The following DGKZ variants were observed in gnomAD, a reference collection of about 807,000 sequenced individuals.
The protein encoded by DGKZ is DAG kinase zeta.
Under a neutral mutation model 142.5 loss-of-function variants are expected in DGKZ, and 45 were observed. The observed-to-expected ratio is 0.32, with a 90% CI of 0.25 to 0.40. The LOEUF (loss-of-function observed/expected upper bound fraction) is 0.40. Among genes scored for constraint, DGKZ ranks in the 10% least tolerant of loss-of-function variants. The pLI is 1.00. For synonymous variants in DGKZ, 442 were observed against 527.0 expected, an observed-to-expected ratio of 0.84 and a Z score of 2.21; for missense variants, 755 against 1,306.5, an observed-to-expected ratio of 0.58 and a Z score of 6.51.
intron 1 of DGKZ, among the ~76,000 whole-genome samples, chr11:46,355,900 C>T (rs1266633110): frequency 6.6e-6 from 1 of 152,198 alleles, no homozygotes; most frequent in Non-Finnish European, 1.5e-5. Flanking sequence ...GCATGGGCCA[C>T]CACACCCGGC....
chr11:46,379,708 C>G lies in DGKZ; in HGVS notation c.2689-123C>G, dbSNP rs1019385478. The G allele has an allele frequency of 2.1e-5, 27 of 1,272,544 alleles. No individual in the cohort carries two copies. In the South Asian group the frequency reaches 2.7e-4, roughly 13 times the overall value. 78.8% of individuals were successfully genotyped at this position (1,272,544 alleles called of 1,614,324 possible). ...GAAACCTGAGCCAGCAGGGGAGGAG[C>G]TGGTGGGCAGAGAGGCCTCCCTCCC... On this transcript the variant is annotated intron_variant, in intron 30 of 30. Transcript: ENST00000527911.
At chr11:46,358,500 G>A (rs1565024839) in intron 1 of DGKZ, among the ~76,000 whole-genome samples, 1 of 152,130 alleles carries the variant, frequency 6.6e-6, no homozygotes, top group Non-Finnish European at 1.5e-5. Flanking sequence ...TCTCAAAAGT[G>A]CATGACATGA....
At chr11:46,341,733 A>T (rs888699787) in intron 1 of DGKZ, among the ~76,000 whole-genome samples, 1 of 152,086 alleles carries the variant, frequency 6.6e-6, no homozygotes, top group African/African-American at 2.4e-5. Context: ...TTGGCCAAAT[A>T]CTCAGGGAAG....
At chr11:46,336,962 G>A (rs1368218900) in intron 1 of DGKZ, among the ~76,000 whole-genome samples, 5 of 152,134 alleles carry the variant, frequency 3.3e-5, no homozygotes, top group African/African-American at 9.7e-5. Context: ...TCGAGGCTGC[G>A]GTGAGCCACA....
At chr11:46,366,586 G>T (rs1171732235) in intron 1 of DGKZ, 1 of 1,607,594 alleles carries the variant, frequency 6.2e-7, no homozygotes. Flanking sequence ...CCCTGCTGTT[G>T]ACCGGGCTTG....
chr11:46,354,755 A>G (rs1162655046), intron 1 of DGKZ, among the ~76,000 whole-genome samples: 2 of 152,244 alleles, frequency 1.3e-5, no homozygotes, highest in Admixed American at 6.5e-5. Flanking sequence ...GCCTAGCAAC[A>G]TACAGTGCTG....
Position 46,371,782 on chromosome 11 carries a change from C to G in DGKZ, c.831+7C>G. 1.2e-6 allele frequency: 2 copies of G among 1,612,412 alleles called. No homozygotes were observed. The highest frequency in any genetic ancestry group is 1.7e-6 in the Non-Finnish European group (2 of 1,179,382). ...CAGCAAGAAAGGGCCTGAGGTCAGC[C>G]CCAGGCTGGGCAGAGGCTGCAGGGG... On this transcript the variant is annotated splice_region_variant and intron_variant, in intron 9 of 30. Transcript: ENST00000527911.
At chr11:46,378,530 C>T in intron 27 of DGKZ, 30 bp downstream of exon 27, 1 of 1,613,016 alleles carries the variant, frequency 6.2e-7, no homozygotes, top group Non-Finnish European at 8.5e-7. Context: ...GTTCCTTCCC[C>T]CAGCAGCTCC....
At chr11:46,366,590 G>T in intron 1 of DGKZ, 1 of 1,607,742 alleles carries the variant, frequency 6.2e-7, no homozygotes, top group South Asian at 1.1e-5. Flanking sequence ...GCTGTTGACC[G>T]GGCTTGTGGG....
chr11:46,352,691 G>C (rs552885651), intron 1 of DGKZ, among the ~76,000 whole-genome samples: 1 of 152,204 alleles, frequency 6.6e-6, no homozygotes, highest in Admixed American at 6.5e-5. Context: ...AGTCAGCTGC[G>C]GGGGCAGTGT....
At chr11:46,366,902 C>T (rs780649096) in intron 1 of DGKZ, 32 of 1,547,526 alleles carry the variant, frequency 2.1e-5, no homozygotes, top group Middle Eastern at 1.9e-4. Context: ...GCTGCCCACC[C>T]GTGTGCGCCC....
intron 1 of DGKZ, among the ~76,000 whole-genome samples, chr11:46,336,675 T>A (rs542533190): frequency 7.3e-4 from 111 of 152,258 alleles, no homozygotes; most frequent in Middle Eastern, 6.8e-3. Context: ...ACTCAGGTGA[T>A]CCTCCCACCT....
At chr11:46,366,949 G>T (rs1327242816) in intron 1 of DGKZ, 1 of 1,538,232 alleles carries the variant, frequency 6.5e-7, no homozygotes, top group East Asian at 2.4e-5. Context: ...TACGGCGCAA[G>T]GCGGCCGGAC....
At chr11:46,356,148 A>G (rs1162452826) in intron 1 of DGKZ, among the ~76,000 whole-genome samples, 2 of 152,186 alleles carry the variant, frequency 1.3e-5, no homozygotes, top group African/African-American at 4.8e-5. Context: ...TGGGACGGTC[A>G]CCAGAGAAGA....
Position 46,366,537 on chromosome 11 carries a change from C to T in DGKZ, c.162-754C>T. On this transcript the variant is annotated intron_variant, in intron 1 of 30. Transcript: ENST00000527911. ...TTCATCGTGGATAAGGTGCTCACTC[C>T]ACAGCCTACCACCGTGGGGGCCCAG... 1.3e-6 allele frequency: 2 copies of T among 1,598,176 alleles called. No homozygotes were observed. The highest frequency in any genetic ancestry group is 2.3e-5 in the East Asian group (1 of 44,156).
In DGKZ at chr11:46,367,510, G is replaced by T. The variant is rs1166216251; in HGVS notation, c.270+111G>T. The T allele has an allele frequency of 1.2e-5, 17 of 1,367,760 alleles. No homozygotes were observed. Among genetic ancestry groups the T allele is most frequent in the Non-Finnish European group, 1.5e-5 (15 of 996,560 alleles). 84.7% of individuals were successfully genotyped at this position (1,367,760 alleles called of 1,614,324 possible). On this transcript the variant is annotated intron_variant, in intron 2 of 30. Transcript: ENST00000527911. This position sits in a 1 kb window ranked among gnomAD's most constrained non-coding sequence, Gnocchi z 4.1. ...GGGAGAGCCAAGCCTGGAAGGGTTG[G>T]GACAGTGGGGCAGACGGAACAGAGC...
At chr11:46,366,824 C>G in intron 1 of DGKZ, 1 of 1,545,026 alleles carries the variant, frequency 6.5e-7, no homozygotes, top group Non-Finnish European at 8.7e-7. Flanking sequence ...CCTCAGCCAG[C>G]GGCGGCCCTC....
At chr11:46,340,560 G>A (rs1007401127) in intron 1 of DGKZ, among the ~76,000 whole-genome samples, 51 of 152,364 alleles carry the variant, frequency 3.3e-4, no homozygotes, top group Non-Finnish European at 1.6e-4. Flanking sequence ...TGCTGTGCCT[G>A]CAGCTCTCTT....
chr11:46,369,618 T>A lies in DGKZ; in HGVS notation c.501+68T>A, dbSNP rs1029332877. 13 of 1,590,144 alleles carry A rather than the reference T, an allele frequency of 8.2e-6. No homozygotes were observed. In the African/African-American group the frequency reaches 1.7e-4, roughly 21 times the overall value. On this transcript the variant is annotated intron_variant, in intron 5 of 30. Coordinates refer to ENST00000527911, the Ensembl canonical transcript of DGKZ. ...CCTGCATGGGCCTCTGCGCAGTGCC[T>A]CTGGAGTGCCACCAGGGGGCTCGGC...
Sources: allele counts gnomAD v4.1 joint callset (sites outside exome capture counted in the v4.1 genomes callset), GRCh38; gene constraint gnomAD v4.1.1; non-coding constraint Gnocchi (gnomAD v3.1); transcripts MANE v1.5; gene names NCBI Gene and HGNC (gene_info 2026-07-23, HGNC 2026-07-21).